The following TTLL1 variants were observed in gnomAD, a reference collection of about 807,000 sequenced individuals.
The protein encoded by TTLL1 is TTL family tubulin polyglutamylase complex subunit L1.
Under a neutral mutation model 47.8 loss-of-function variants are expected in TTLL1, and 33 were observed. The observed-to-expected ratio is 0.69, with a 90% CI of 0.52 to 0.92. TTLL1 has a LOEUF of 0.92. Ranked by LOEUF, TTLL1 falls within the 40% of genes least tolerant of loss-of-function variation. The probability of loss-of-function intolerance (pLI) is 0.00; values close to 1 mark genes in which losing one functional copy is unlikely to be tolerated. For synonymous variants in TTLL1, 225 were observed against 214.1 expected, an observed-to-expected ratio of 1.05 and a Z score of -0.45; for missense variants, 488 against 547.5, an observed-to-expected ratio of 0.89 and a Z score of 1.08.
chr22:43,051,477 T>C (rs1257393607), intron 9 of TTLL1, among the ~76,000 whole-genome samples: 1 of 152,042 alleles, frequency 6.6e-6, no homozygotes, highest in Admixed American at 6.6e-5. Flanking sequence ...CTGTCACCCA[T>C]GAGGACAGGG....
intron 7 of TTLL1, among the ~76,000 whole-genome samples, chr22:43,059,848 C>G (rs1398368845): frequency 6.6e-6 from 1 of 152,060 alleles, no homozygotes; most frequent in African/African-American, 2.4e-5. Context: ...TGCCACTATG[C>G]CTGGCTAATT....
rs955840039 is a variant in TTLL1 at position 43,046,481 on chromosome 22, C to T, written c.1071G>A (p.Pro357=). 14 of 1,614,026 alleles carry T rather than the reference C, an allele frequency of 8.7e-6. No homozygotes were observed. Among genetic ancestry groups the T allele is most frequent in the Middle Eastern group, 1.6e-4 (1 of 6,062 alleles). The change falls in exon 10 of 11, where the codon CCG becomes CCA. Residue 357 remains proline, a synonymous_variant. Coordinates refer to ENST00000266254, the MANE Select transcript of TTLL1 (RefSeq NM_012263.5). ...ATTTGCAGTCTGGGATTTCACCATT[C>T]GGGACGGCGATGTTGAGGGTGTCAT... The part of the protein sequence containing the change: ...LINDTLNIAV[P]NGEIPDCKWN...
chr22:43,069,683 C>G lies in TTLL1; in HGVS notation c.275G>C (p.Gly92Ala). The G allele has an allele frequency of 6.2e-7, 1 of 1,614,198 alleles. No individual in the cohort carries two copies. Among genetic ancestry groups the G allele is most frequent in the Non-Finnish European group, 8.5e-7 (1 of 1,180,046 alleles). ...TTCATCTTTTTCTGCCAGAGGACTC[C>G]CTTCTTTCTCCAGCTCCTTCCTGTA... ...KRYRKELEKE[G>A]SPLAEKDENG... The change falls in exon 4 of 11, where the codon GGG (glycine) becomes GCG (alanine). Residue 92 changes from glycine to alanine, a missense_variant. Coordinates refer to ENST00000266254, the MANE Select transcript of TTLL1 (RefSeq NM_012263.5).
intron 5 of TTLL1, 115 bp downstream of exon 5, chr22:43,068,295 C>T (rs1299179573): frequency 3.0e-5 from 27 of 890,700 alleles, no homozygotes; most frequent in South Asian, 6.7e-5. Flanking sequence ...CCTGCCTGGG[C>T]GACAGAGTGA....
chr22:43,084,386 GTGA>G (rs1205734677), intron 1 of TTLL1, among the ~76,000 whole-genome samples: 9 of 152,126 alleles, frequency 5.9e-5, no homozygotes, highest in East Asian at 3.9e-4. Context: ...CTAACCTCAC[GTGA>G]TCCATCCACC....
chr22:43,075,185 C>T (rs1928401980), intron 3 of TTLL1, among the ~76,000 whole-genome samples: 1 of 152,058 alleles, frequency 6.6e-6, no homozygotes, highest in African/African-American at 2.4e-5. Flanking sequence ...CCAGCTATAA[C>T]GCACGCTCAC....
In TTLL1 at chr22:43,088,106, C is replaced by T. The variant is rs558842687; in HGVS notation, c.-90+1171G>A. On this transcript the variant is annotated intron_variant, in intron 1 of 10. Coordinates refer to ENST00000266254, the MANE Select transcript of TTLL1 (RefSeq NM_012263.5). ...GAGGTTGCAGTGAGCCGAGAGCGAC[C>T]GCACTCCAGCCTGGGCAACAAAGCA... 4.6e-5 allele frequency among the ~76,000 whole-genome samples: 7 copies of T among 151,428 alleles called. No homozygotes were observed. In the East Asian group the frequency reaches 7.9e-4, roughly 17 times the overall value.
At chr22:43,041,948 C>G (rs892082748) in intron 10 of TTLL1, among the ~76,000 whole-genome samples, 1 of 152,110 alleles carries the variant, frequency 6.6e-6, no homozygotes, top group Non-Finnish European at 1.5e-5. Context: ...AGCCATAGTC[C>G]CTATGACACA....
intron 10 of TTLL1, among the ~76,000 whole-genome samples, chr22:43,042,989 G>T (rs1267208855): frequency 6.7e-6 from 1 of 149,938 alleles, no homozygotes; most frequent in Non-Finnish European, 1.5e-5. Flanking sequence ...GCCCAGGCTG[G>T]AGTGCGGTGG....
chr22:43,063,044 G>A (rs904012856), intron 7 of TTLL1, among the ~76,000 whole-genome samples: 2 of 152,052 alleles, frequency 1.3e-5, no homozygotes, highest in South Asian at 2.1e-4. Flanking sequence ...CTTGAAGTAC[G>A]GTTCCTACTG....
intron 7 of TTLL1, among the ~76,000 whole-genome samples, chr22:43,062,974 A>G (rs909004218): frequency 4.6e-5 from 7 of 152,214 alleles, no homozygotes; most frequent in African/African-American, 1.7e-4. Flanking sequence ...AGCGTGAAAT[A>G]CCTCACATAA....
intron 4 of TTLL1, among the ~76,000 whole-genome samples, chr22:43,069,217 A>ATAC (rs1882816895): frequency 7.8e-6 from 1 of 128,262 alleles, no homozygotes; most frequent in Non-Finnish European, 1.6e-5. Context: ...TCTACTAAAA[A>ATAC]TACAAAAAAA....
At chr22:43,067,359 G>A (rs772903467) in intron 5 of TTLL1, among the ~76,000 whole-genome samples, 1 of 152,218 alleles carries the variant, frequency 6.6e-6, no homozygotes, top group Non-Finnish European at 1.5e-5. Flanking sequence ...GACATGGAGA[G>A]TCTGAAGAAC....
rs1927258604 is a variant in TTLL1, at chr22:43,059,472, T to TAG, written c.801_802dup (p.Tyr268SerfsTer11). On this transcript the variant is annotated frameshift_variant, in exon 8 of 11. Transcript: ENST00000266254. LOFTEE classifies it high-confidence loss of function. ...CTCCTTGCCGCGGGTGCTCTCCAGG[T>TAG]AGAGCCGCAGGTTACTCACTGTCCA... The TAG allele has an allele frequency of 1.2e-6, 2 of 1,613,958 alleles. No individual in the cohort carries two copies. The highest frequency in any genetic ancestry group is 8.5e-7 in the Non-Finnish European group (1 of 1,179,960).
At chr22:43,071,890 G>A (rs1052019213) in intron 3 of TTLL1, among the ~76,000 whole-genome samples, 1 of 152,224 alleles carries the variant, frequency 6.6e-6, no homozygotes, top group Non-Finnish European at 1.5e-5. Context: ...GAGGCTGGAA[G>A]GTGGGCACAG....
intron 10 of TTLL1, chr22:43,041,173 G>A (rs1244062857): frequency 6.6e-6 from 1 of 152,228 alleles, no homozygotes; most frequent in Admixed American, 6.6e-5. Context: ...TAACCTCTAG[G>A]ACTTCTGATT....
intron 7 of TTLL1, among the ~76,000 whole-genome samples, chr22:43,063,479 C>CGA (rs1927522480): frequency 1.0e-5 from 1 of 95,374 alleles, no homozygotes; most frequent in Non-Finnish European, 2.3e-5. Flanking sequence ...TTTTTTTTTT[C>CGA]TTTTGAGACA....
rs56336830 is a variant in TTLL1, at chr22:43,073,160, C to T, written c.113+2314G>A. The stretch of plus-strand genomic sequence containing the variant: ...CCTCTCAAGTAGCTGGGATTACAGG[C>T]GCCTGCCACTAAGCCCAGCTAATTT... On this transcript the variant is annotated intron_variant, in intron 3 of 10. Transcript: ENST00000266254. 5.1e-3 allele frequency among the ~76,000 whole-genome samples: 773 copies of T among 151,214 alleles called. 3 individuals carry two copies. The highest frequency in any genetic ancestry group is 7.5e-3 in the Non-Finnish European group (512 of 67,818).
chr22:43,066,834 A>T (rs960219848), intron 5 of TTLL1, among the ~76,000 whole-genome samples: 1 of 151,656 alleles, frequency 6.6e-6, no homozygotes, highest in Non-Finnish European at 1.5e-5. Context: ...TACTAAAAAT[A>T]AAAAAATTAG....
Sources: allele counts gnomAD v4.1 joint callset (sites outside exome capture counted in the v4.1 genomes callset), GRCh38; gene constraint gnomAD v4.1.1; transcripts MANE v1.5; gene names NCBI Gene and HGNC (gene_info 2026-07-23, HGNC 2026-07-21).